DYM: variants seen among roughly 807,000 people sequenced by gnomAD.
DYM encodes dyggve-Melchior-Clausen syndrome protein.
Under a neutral mutation model 93.1 loss-of-function variants are expected in DYM, and 78 were observed. That is an observed-to-expected ratio of 0.84 (90% confidence interval 0.70 to 1.01). The LOEUF is 1.01. Among genes scored for constraint, DYM ranks in the 50% least tolerant of loss-of-function variants. The pLI is 0.00. For missense variants in DYM, 789 were observed against 845.0 expected (o/e 0.93, Z 0.82); for synonymous variants, 321 against 319.7 (o/e 1.00, Z -0.04).
intron 15 of DYM, among the ~76,000 whole-genome samples, chr18:49,141,857 T>C (rs1041904881): frequency 9.9e-5 from 15 of 152,056 alleles, no homozygotes; most frequent in African/African-American, 3.4e-4. Flanking sequence ...ATAAATATGT[T>C]TTCTTTTTTT....
chr18:49,273,837 C>T (rs1469603642), intron 10 of DYM, among the ~76,000 whole-genome samples: 1 of 144,630 alleles, frequency 6.9e-6, no homozygotes. Context: ...TTTTTGGCTA[C>T]GCCTGTAGAA....
intron 8 of DYM, among the ~76,000 whole-genome samples, chr18:49,307,766 G>C (rs2061355206): frequency 6.6e-6 from 1 of 152,134 alleles, no homozygotes; most frequent in South Asian, 2.1e-4. Flanking sequence ...CATGAAAACT[G>C]GCAGAAGTAC....
At chr18:49,104,365 C>T (rs1242256622) in intron 16 of DYM, among the ~76,000 whole-genome samples, 1 of 152,142 alleles carries the variant, frequency 6.6e-6, no homozygotes, top group East Asian at 1.9e-4. Context: ...CAAAAAGGGA[C>T]AATTTGACTT....
chr18:49,229,848 C>A (rs186245909), intron 13 of DYM, among the ~76,000 whole-genome samples: 22 of 152,116 alleles, frequency 1.4e-4, no homozygotes, highest in Non-Finnish European at 2.5e-4. Context: ...CATAATTGCC[C>A]CAAAATGAAA....
intron 13 of DYM, among the ~76,000 whole-genome samples, chr18:49,219,164 G>A (rs550680649): frequency 0.077 from 11,666 of 152,136 alleles, 591 homozygotes; most frequent in Non-Finnish European, 0.11. Flanking sequence ...AGAAGAAATG[G>A]ATAAATTCCT....
intron 14 of DYM, among the ~76,000 whole-genome samples, chr18:49,168,179 G>A (rs1221174168): frequency 1.3e-5 from 2 of 152,082 alleles, no homozygotes; most frequent in Non-Finnish European, 2.9e-5. Flanking sequence ...CTCTGAGGAA[G>A]GAGGAAAAAG....
chr18:49,317,596 T>C (rs866078635), intron 8 of DYM, among the ~76,000 whole-genome samples: 5 of 31,142 alleles, frequency 1.6e-4, no homozygotes, highest in African/African-American at 3.1e-4. Flanking sequence ...TCTCTCTCTC[T>C]CCCCCCTCCC....
At chr18:49,127,640 A>G (rs1599943392) in intron 15 of DYM, among the ~76,000 whole-genome samples, 1 of 152,160 alleles carries the variant, frequency 6.6e-6, no homozygotes, top group East Asian at 1.9e-4. Context: ...GTTCTCTTTA[A>G]AGTTAATGCG....
intron 13 of DYM, among the ~76,000 whole-genome samples, chr18:49,251,124 C>A (rs777388559): frequency 1.5e-4 from 23 of 152,190 alleles, no homozygotes; most frequent in Non-Finnish European, 2.6e-4. Flanking sequence ...GGGGCAAAAT[C>A]ACAGTGAAGA....
chr18:49,218,384 T>C (rs1431318595), intron 13 of DYM, among the ~76,000 whole-genome samples: 1 of 152,180 alleles, frequency 6.6e-6, no homozygotes, highest in African/African-American at 2.4e-5. Flanking sequence ...GGAATTGAAC[T>C]CAGCTCTGCA....
intron 16 of DYM, among the ~76,000 whole-genome samples, chr18:49,112,139 C>T (rs1360150638): frequency 6.8e-6 from 1 of 147,606 alleles, no homozygotes; most frequent in African/African-American, 2.4e-5. Flanking sequence ...CCCCTCCCCT[C>T]CGCACCCCCA....
chr18:49,407,819 G>C (rs1179286313), intron 2 of DYM, among the ~76,000 whole-genome samples: 1 of 152,152 alleles, frequency 6.6e-6, no homozygotes, highest in Non-Finnish European at 1.5e-5. Context: ...TCCTATTTTT[G>C]ATACTGTACT....
intron 1 of DYM, among the ~76,000 whole-genome samples, chr18:49,459,041 T>C (rs1234480469): frequency 1.3e-5 from 2 of 152,202 alleles, no homozygotes; most frequent in Admixed American, 6.5e-5. Flanking sequence ...CTTTATTATT[T>C]CACTGTGTGA....
chr18:49,268,593 T>TC (rs1243254749), intron 11 of DYM, among the ~76,000 whole-genome samples: 1 of 152,212 alleles, frequency 6.6e-6, no homozygotes, highest in African/African-American at 2.4e-5. Flanking sequence ...TAACATTTTG[T>TC]CATGTTTGCT....
chr18:49,453,374 C>T (rs565171504), intron 1 of DYM, among the ~76,000 whole-genome samples: 94 of 152,266 alleles, frequency 6.2e-4, no homozygotes, highest in South Asian at 2.5e-3. Context: ...TTTGTTCTTT[C>T]GCTCTTTGCA....
At chr18:49,240,264 T>C (rs998122774) in intron 13 of DYM, among the ~76,000 whole-genome samples, 5 of 152,218 alleles carry the variant, frequency 3.3e-5, no homozygotes, top group Non-Finnish European at 4.4e-5. Context: ...CTGGTTCTTA[T>C]ACTTTTCTCA....
intron 16 of DYM, among the ~76,000 whole-genome samples, chr18:49,103,804 G>T (rs1481078485): frequency 6.6e-6 from 1 of 152,020 alleles, no homozygotes; most frequent in Non-Finnish European, 1.5e-5. Flanking sequence ...ATGCTGTTTT[G>T]GTTACTGTAG....
intron 15 of DYM, among the ~76,000 whole-genome samples, chr18:49,141,999 G>A (rs1347589267): frequency 4.7e-5 from 7 of 149,382 alleles, no homozygotes; most frequent in African/African-American, 4.9e-5. Context: ...GACTACAGGC[G>A]CCCACCACCA....
At chr18:49,425,111 G>A (rs922389065) in intron 2 of DYM, among the ~76,000 whole-genome samples, 1 of 152,112 alleles carries the variant, frequency 6.6e-6, no homozygotes, top group Non-Finnish European at 1.5e-5. Flanking sequence ...AAAGAACAAA[G>A]CTGCAGGCAT....
Sources: allele counts gnomAD v4.1 joint callset (sites outside exome capture counted in the v4.1 genomes callset), GRCh38; gene constraint gnomAD v4.1.1; transcripts MANE v1.5; gene names NCBI Gene and HGNC (gene_info 2026-07-23, HGNC 2026-07-21).